Variants in ITPKB observed in about 807,000 individuals in gnomAD.
ITPKB encodes the protein inositol-trisphosphate 3-kinase B.
A neutral mutation model predicts 69.4 loss-of-function variants in ITPKB; 13 were observed. The observed-to-expected ratio is 0.19, with a 90% confidence interval of 0.12 to 0.30. The LOEUF is 0.30. ITPKB is among the 10% of genes least tolerant of loss of function. The pLI is 1.00. For synonymous variants in ITPKB, 584 were observed against 513.7 expected, an observed-to-expected ratio of 1.14 and a Z score of -1.85; for missense variants, 1,240 against 1,250.5, an observed-to-expected ratio of 0.99 and a Z score of 0.13.
intron 2 of ITPKB, among the ~76,000 whole-genome samples, chr1:226,649,411 T>C (rs893296286): frequency 1.4e-5 from 2 of 145,866 alleles, no homozygotes; most frequent in Non-Finnish European, 3.0e-5. Flanking sequence ...TGTGCATGTG[T>C]GATATGTGCA....
intron 2 of ITPKB, among the ~76,000 whole-genome samples, chr1:226,650,937 T>C (rs755608035): frequency 6.6e-6 from 1 of 152,134 alleles, no homozygotes; most frequent in Non-Finnish European, 1.5e-5. Flanking sequence ...CCAACAGCAA[T>C]GGCCCCTCCG....
At chr1:226,707,298 C>T in intron 2 of ITPKB, 1 of 199,432 alleles carries the variant, frequency 5.0e-6, no homozygotes, top group South Asian at 1.8e-4. Flanking sequence ...CAGGTTCAAG[C>T]AATTCTCCTG....
chr1:226,708,272 C>G (rs1221464864), intron 2 of ITPKB, among the ~76,000 whole-genome samples: 1 of 152,166 alleles, frequency 6.6e-6, no homozygotes, highest in Admixed American at 6.5e-5. Flanking sequence ...TAGCTTCTTT[C>G]TCTGTAATGT....
chr1:226,684,987 A>G (rs761999214), intron 2 of ITPKB, among the ~76,000 whole-genome samples: 4 of 152,216 alleles, frequency 2.6e-5, no homozygotes, highest in Non-Finnish European at 5.9e-5. Flanking sequence ...CAGGTCCTAC[A>G]TGGGGAGAGT....
At chr1:226,722,813 A>T (rs1002209396) in intron 2 of ITPKB, among the ~76,000 whole-genome samples, 1 of 152,212 alleles carries the variant, frequency 6.6e-6, no homozygotes, top group Non-Finnish European at 1.5e-5. Flanking sequence ...AAAACTGCAC[A>T]TTCAGAGCCT....
chr1:226,688,033 C>T (rs1011240030), intron 2 of ITPKB, among the ~76,000 whole-genome samples: 1 of 152,134 alleles, frequency 6.6e-6, no homozygotes, highest in African/African-American at 2.4e-5. Context: ...CTACGTTTTC[C>T]TTAGGAGAAA....
chr1:226,732,026 C>T lies in ITPKB; in HGVS notation c.1932+3501G>A, dbSNP rs115715393. On this transcript the variant is annotated intron_variant, in intron 2 of 7. Coordinates refer to ENST00000429204, the MANE Select transcript of ITPKB (RefSeq NM_002221.4). Reference sequence around the variant, plus strand: ...CAAAACCACATAAAACCATGTTAAACTGTTTGGATTTTTTACTATGTGTAT... The same window carrying T: ...CAAAACCACATAAAACCATGTTAAATTGTTTGGATTTTTTACTATGTGTAT... Among the ~76,000 whole-genome samples, 910 of 143,092 alleles carry T rather than the reference C, an allele frequency of 6.4e-3. 5 individuals carry two copies. The highest frequency in any genetic ancestry group is 0.023 in the African/African-American group (878 of 38,268). The allele number at this position is 143,092 out of a possible 152,430, so 93.9% of individuals were successfully genotyped here.
chr1:226,722,798 G>A (rs550965093), intron 2 of ITPKB, among the ~76,000 whole-genome samples: 54 of 152,308 alleles, frequency 3.5e-4, no homozygotes, highest in East Asian at 1.9e-3. Flanking sequence ...AAGGGGCAAC[G>A]TCTCAAAACT....
chr1:226,701,455 T>C (rs1656635523), intron 2 of ITPKB, among the ~76,000 whole-genome samples: 1 of 151,024 alleles, frequency 6.6e-6, no homozygotes, highest in African/African-American at 2.4e-5. Context: ...ATACAAAAAA[T>C]TAGCCGGGCG....
rs573076589 is a variant in ITPKB at position 226,738,745 on chromosome 1, C to T, written c.-206+296G>A. ...CATCCCGGGCAGCCTCGCCCGGCGCCAGCAGAGCCGCCCCGAGACCCCAGC... is the reference window on the plus strand; with the variant it reads ...CATCCCGGGCAGCCTCGCCCGGCGCTAGCAGAGCCGCCCCGAGACCCCAGC... On this transcript the variant is annotated intron_variant, in intron 1 of 7. Coordinates refer to ENST00000429204, the MANE Select transcript of ITPKB (RefSeq NM_002221.4). The surrounding 1 kb of genome is among the most constrained non-coding windows in gnomAD (Gnocchi z 4.2). 6.6e-6 allele frequency among the ~76,000 whole-genome samples: 1 copy of T among 152,306 alleles called. No individual in the cohort carries two copies. The highest frequency in any genetic ancestry group is 2.1e-4 in the South Asian group (1 of 4,828).
At chr1:226,699,065 C>A (rs1656567879) in intron 2 of ITPKB, among the ~76,000 whole-genome samples, 1 of 152,200 alleles carries the variant, frequency 6.6e-6, no homozygotes, top group South Asian at 2.1e-4. Context: ...CCTCCCCTCA[C>A]CCCCACTACC....
intron 2 of ITPKB, among the ~76,000 whole-genome samples, chr1:226,654,550 G>A (rs902679119): frequency 6.6e-6 from 1 of 152,202 alleles, no homozygotes; most frequent in Non-Finnish European, 1.5e-5. Context: ...AACACACAGA[G>A]CCATAAAACA....
intron 2 of ITPKB, among the ~76,000 whole-genome samples, chr1:226,673,727 T>C (rs1201627661): frequency 6.6e-6 from 1 of 152,230 alleles, no homozygotes; most frequent in Non-Finnish European, 1.5e-5. Context: ...ATATGCTATA[T>C]ATTTACACTT....
At chr1:226,726,582 G>A (rs774212881) in intron 2 of ITPKB, among the ~76,000 whole-genome samples, 7 of 151,734 alleles carry the variant, frequency 4.6e-5, no homozygotes, top group Non-Finnish European at 1.0e-4. Context: ...AGGCTGAGGT[G>A]TGAGGATCTC....
Position 226,736,966 on chromosome 1 carries a change from G to A in ITPKB, c.493C>T (p.Arg165Cys), listed in dbSNP as rs374302618. Residue 165 changes from arginine to cysteine, a missense_variant, in exon 2 of 8, where the codon CGC (arginine) becomes TGC (cysteine). Physicochemically the swap from Arg to Cys is radical, Grantham distance 180. Around this residue, in one of 2 missense-constraint regions of ITPKB, gnomAD observed 992 missense variants for 853.8 expected, o/e 1.16. Transcript: ENST00000429204. ...CGAGCCCTGCCCAAACGCGGGCTGC[G>A]GGGCGCTTGAATGGCGGAGCTCTGT... ...QAQSSAIQAP[R>C]SPRLGRARSP... 3.7e-6 allele frequency: 6 copies of A among 1,612,294 alleles called. No homozygotes were observed. The highest frequency in any genetic ancestry group is 5.1e-6 in the Non-Finnish European group (6 of 1,179,934).
chr1:226,712,892 C>G (rs1206645510), intron 2 of ITPKB, among the ~76,000 whole-genome samples: 1 of 152,136 alleles, frequency 6.6e-6, no homozygotes, highest in East Asian at 1.9e-4. Flanking sequence ...CAGCAAACCA[C>G]AGGATGGTCA....
Position 226,736,664 on chromosome 1 carries a change from G to C in ITPKB, c.795C>G (p.Pro265=). The C allele has an allele frequency of 6.2e-7, 1 of 1,613,304 alleles. No individual in the cohort carries two copies. Among genetic ancestry groups the C allele is most frequent in the Non-Finnish European group, 8.5e-7 (1 of 1,179,960 alleles). Residue 265 remains proline, a synonymous_variant, in exon 2 of 8, where the codon CCC becomes CCG. Transcript: ENST00000429204. ...VRMEKGIPAS[P]RCGSPTAMEI... ...CCATAGCTGTGGGTGAGCCACAGCG[G>C]GGACTGGCAGGGATACCCTTCTCCA...
In ITPKB at chr1:226,634,935, C is replaced by T; in HGVS notation, c.2626-49G>A. The T allele has an allele frequency of 1.4e-6, 2 of 1,470,544 alleles. No homozygotes were observed. Among genetic ancestry groups the T allele is most frequent in the Non-Finnish European group, 9.3e-7 (1 of 1,069,622 alleles). 91.1% of individuals were successfully genotyped at this position (1,470,544 alleles called of 1,614,324 possible). On this transcript the variant is annotated intron_variant, in intron 7 of 7. Coordinates refer to ENST00000429204, the MANE Select transcript of ITPKB (RefSeq NM_002221.4). This position sits in a 1 kb window ranked among gnomAD's most constrained non-coding sequence, Gnocchi z 6.3. ...GGTGAGCTGAAGCCCGGGCCTCGCCCTCCCCACTGCGGCCCGGGGCCTGGG... is the reference window on the plus strand; with the variant it reads ...GGTGAGCTGAAGCCCGGGCCTCGCCTTCCCCACTGCGGCCCGGGGCCTGGG...
chr1:226,634,585 T>TA lies in ITPKB; in HGVS notation c.*85dup. The TA allele has an allele frequency of 1.5e-6, 1 of 677,254 alleles. No homozygotes were observed. The highest frequency in any genetic ancestry group is 1.7e-5 in the South Asian group (1 of 60,038). The allele number at this position is 677,254 out of a possible 1,614,324, so 42.0% of individuals were successfully genotyped here. A position where few individuals can be genotyped will look rare whatever the true frequency, so the allele number is the denominator to read the frequency against. Reference sequence around the variant, plus strand: ...GCAGTTCAGGAGGGTCAGTCAGGTGTAAGTGAAGGAAAAGTTAGGAACGAG... The same window carrying TA: ...GCAGTTCAGGAGGGTCAGTCAGGTGTAAAGTGAAGGAAAAGTTAGGAACGAG... On this transcript the variant is annotated 3_prime_UTR_variant, in exon 8 of 8. Coordinates refer to ENST00000429204, the MANE Select transcript of ITPKB (RefSeq NM_002221.4). The surrounding 1 kb of genome is among the most constrained non-coding windows in gnomAD (Gnocchi z 6.3).
Sources: gnomAD v4.1 joint callset for allele counts (sites outside exome capture counted in the v4.1 genomes callset) on GRCh38, gnomAD v4.1.1 for gene constraint, gnomAD v4.1.1 regional missense constraint, Gnocchi (gnomAD v3.1) non-coding constraint, MANE v1.5 for transcripts, NCBI Gene and HGNC (gene_info 2026-07-23, HGNC 2026-07-21) for gene names.